Variants in LUZP2 observed in about 807,000 individuals in gnomAD.
The protein encoded by LUZP2 is leucine zipper protein 2.
A neutral mutation model predicts 51.6 loss-of-function variants in LUZP2; 52 were observed. The ratio of observed to expected loss-of-function variants is 1.01; its 90% confidence interval spans 0.81 to 1.27. The LOEUF is 1.27. Among genes scored for constraint, LUZP2 ranks in the 50% most tolerant of loss-of-function variants. The pLI, the probability that LUZP2 is intolerant of heterozygous loss-of-function variation, is 0.00. For synonymous variants in LUZP2, 154 were observed against 137.3 expected, an observed-to-expected ratio of 1.12 and a Z score of -0.85; for missense variants, 436 against 395.4, an observed-to-expected ratio of 1.10 and a Z score of -0.87.
At chr11:25,013,852 G>A (rs1857054361) in intron 9 of LUZP2, among the ~76,000 whole-genome samples, 1 of 151,884 alleles carries the variant, frequency 6.6e-6, no homozygotes, top group African/African-American at 2.4e-5. Flanking sequence ...GCACCCATTA[G>A]CTCATCATTT....
chr11:25,040,753 C>T (rs2134006002), intron 9 of LUZP2, among the ~76,000 whole-genome samples: 1 of 152,190 alleles, frequency 6.6e-6, no homozygotes, highest in Non-Finnish European at 1.5e-5. Flanking sequence ...ATTGTCTTTG[C>T]CTTTAAAGAA....
At chr11:24,695,419 G>A (rs993573459) in intron 1 of LUZP2, among the ~76,000 whole-genome samples, 1 of 151,896 alleles carries the variant, frequency 6.6e-6, no homozygotes, top group African/African-American at 2.4e-5. Context: ...TAAAATTATG[G>A]TACTCAGCAT....
intron 5 of LUZP2, among the ~76,000 whole-genome samples, chr11:24,824,306 C>T (rs553493436): frequency 2.5e-4 from 33 of 129,442 alleles, no homozygotes; most frequent in Middle Eastern, 5.2e-3. Context: ...GTGGAAGTTG[C>T]GGTGAGCCAA....
intron 5 of LUZP2, among the ~76,000 whole-genome samples, chr11:24,836,926 T>C (rs1018751022): frequency 6.6e-6 from 1 of 151,820 alleles, no homozygotes. Context: ...ATTAGCATGT[T>C]AGCAAATCTC....
At chr11:24,566,645 C>G (rs951829640) in intron 1 of LUZP2, among the ~76,000 whole-genome samples, 5 of 142,162 alleles carry the variant, frequency 3.5e-5, no homozygotes, top group Admixed American at 1.4e-4. Context: ...CACACACACA[C>G]AAAAATTAGC....
chr11:25,034,750 T>C (rs1352802467), intron 9 of LUZP2, among the ~76,000 whole-genome samples: 1 of 152,110 alleles, frequency 6.6e-6, no homozygotes, highest in Non-Finnish European at 1.5e-5. Flanking sequence ...ACTTTATTTC[T>C]GAGCCTTCTA....
intron 1 of LUZP2, among the ~76,000 whole-genome samples, chr11:24,562,476 AAAAG>A (rs1450366576): frequency 1.3e-5 from 2 of 151,604 alleles, no homozygotes; most frequent in Non-Finnish European, 2.9e-5. Context: ...TAAGGAAAAA[AAAAG>A]AAAAGAAACC....
chr11:24,557,416 A>G (rs1564989169), intron 1 of LUZP2, among the ~76,000 whole-genome samples: 1 of 152,186 alleles, frequency 6.6e-6, no homozygotes, highest in African/African-American at 2.4e-5. Context: ...CCATATGTAC[A>G]GCAGTTTCTT....
At chr11:24,590,271 A>G (rs1040062274) in intron 1 of LUZP2, among the ~76,000 whole-genome samples, 2 of 152,154 alleles carry the variant, frequency 1.3e-5, no homozygotes, top group Non-Finnish European at 2.9e-5. Flanking sequence ...GGGTTTTTAA[A>G]TTATTTACTT....
intron 1 of LUZP2, among the ~76,000 whole-genome samples, chr11:24,716,309 T>C (rs140047979): frequency 9.4e-4 from 143 of 152,272 alleles, no homozygotes; most frequent in African/African-American, 3.1e-3. Flanking sequence ...GAAATTTCTA[T>C]CCAAAGAAGG....
intron 1 of LUZP2, among the ~76,000 whole-genome samples, chr11:24,576,650 G>A (rs1852662715): frequency 6.6e-6 from 1 of 151,882 alleles, no homozygotes; most frequent in South Asian, 2.1e-4. Context: ...TATTTTTGGA[G>A]GTAATTGACA....
intron 1 of LUZP2, among the ~76,000 whole-genome samples, chr11:24,638,891 T>A (rs1406666823): frequency 6.6e-6 from 1 of 151,488 alleles, no homozygotes; most frequent in Non-Finnish European, 1.5e-5. Context: ...TTAATTCTAA[T>A]ACATTTATGA....
intron 9 of LUZP2, among the ~76,000 whole-genome samples, chr11:24,995,319 G>C (rs565460659): frequency 2.0e-5 from 3 of 152,102 alleles, no homozygotes; most frequent in African/African-American, 7.2e-5. Context: ...CTTCAGCAAG[G>C]GGGGCAGAGA....
chr11:24,974,670 A>G (rs1855835802), intron 7 of LUZP2, among the ~76,000 whole-genome samples: 2 of 152,202 alleles, frequency 1.3e-5, no homozygotes, highest in South Asian at 4.1e-4. Context: ...ACCCATATAG[A>G]TATGGCTTAT....
At chr11:24,589,518 C>G (rs1853187886) in intron 1 of LUZP2, among the ~76,000 whole-genome samples, 1 of 152,158 alleles carries the variant, frequency 6.6e-6, no homozygotes, top group Non-Finnish European at 1.5e-5. Flanking sequence ...CTTCTAATAT[C>G]TTAGTTTATT....
chr11:25,002,388 G>T (rs1590822304), intron 9 of LUZP2, among the ~76,000 whole-genome samples: 1 of 152,132 alleles, frequency 6.6e-6, no homozygotes, highest in Admixed American at 6.5e-5. Context: ...TGCTCAATTG[G>T]TTCCCCATCC....
At chr11:24,751,865 C>A (rs756227098) in intron 4 of LUZP2, among the ~76,000 whole-genome samples, 1 of 151,838 alleles carries the variant, frequency 6.6e-6, no homozygotes, top group Non-Finnish European at 1.5e-5. Context: ...GTTAAATATA[C>A]CCAAGGAGTT....
At chr11:24,905,571 C>T (rs1428996493) in intron 5 of LUZP2, among the ~76,000 whole-genome samples, 1 of 152,072 alleles carries the variant, frequency 6.6e-6, no homozygotes, top group Non-Finnish European at 1.5e-5. Context: ...TTAAACTGCG[C>T]TCTAGACCAA....
chr11:24,942,922 G>T (rs1854794439), intron 7 of LUZP2, among the ~76,000 whole-genome samples: 1 of 152,094 alleles, frequency 6.6e-6, no homozygotes, highest in Non-Finnish European at 1.5e-5. Context: ...GATGGTTTCA[G>T]ATTTTTCTTA....
Sources: gnomAD v4.1 joint callset for allele counts (sites outside exome capture counted in the v4.1 genomes callset) on GRCh38, gnomAD v4.1.1 for gene constraint, MANE v1.5 for transcripts, NCBI Gene and HGNC (gene_info 2026-07-23, HGNC 2026-07-21) for gene names.